FRMD8: variants seen among roughly 807,000 people sequenced by gnomAD.
FRMD8 encodes the protein FERM domain-containing protein 8.
In FRMD8, 37 loss-of-function variants were observed where a neutral mutation model predicts 54.2. That is an observed-to-expected ratio of 0.68 (90% CI 0.53 to 0.90). The LOEUF is 0.90. Among genes scored for constraint, FRMD8 ranks in the 40% least tolerant of loss-of-function variants. The pLI, the probability that FRMD8 is intolerant of heterozygous loss-of-function variation, is 0.00. For synonymous variants in FRMD8, 246 were observed against 286.9 expected (o/e 0.86, Z 1.44); for missense variants, 585 against 653.7 (o/e 0.89, Z 1.15).
chr11:65,385,937 C>T (rs1156995124), upstream of FRMD8, among the ~76,000 whole-genome samples: 1 of 152,012 alleles, frequency 6.6e-6, no homozygotes, highest in Admixed American at 6.5e-5. Context: ...GCTGGGACTA[C>T]AGGCGCCCGC....
At chr11:65,408,140 T>A (rs1856247882) in intron 10 of FRMD8, among the ~76,000 whole-genome samples, 1 of 151,256 alleles carries the variant, frequency 6.6e-6, no homozygotes, top group South Asian at 2.1e-4. Flanking sequence ...AATGGTGCGA[T>A]ATCGGCTCAC....
intron 10 of FRMD8, among the ~76,000 whole-genome samples, chr11:65,408,136 G>A (rs1402097538): frequency 6.7e-6 from 1 of 149,386 alleles, no homozygotes; most frequent in East Asian, 2.0e-4. Context: ...GTGAAATGGT[G>A]CGATATCGGC....
chr11:65,397,720 T>G (rs1238296020), intron 7 of FRMD8, among the ~76,000 whole-genome samples: 2 of 152,078 alleles, frequency 1.3e-5, no homozygotes, highest in Non-Finnish European at 2.9e-5. Context: ...TGGTTTTTTG[T>G]TTTTGTTTTG....
In FRMD8 at chr11:65,411,242, G is replaced by A. The variant is rs746216628; in HGVS notation, c.1277G>A (p.Gly426Asp). 1.9e-6 allele frequency: 3 copies of A among 1,605,048 alleles called. No homozygotes were observed. The highest frequency in any genetic ancestry group is 2.2e-5 in the South Asian group (2 of 90,116). The change falls in exon 11 of 11, where the codon GGC (glycine) becomes GAC (aspartate). Residue 426 changes from glycine to aspartate, a missense_variant and splice_region_variant. By Grantham distance (94) the Gly-to-Asp change is moderately conservative. Coordinates refer to ENST00000317568, the MANE Select transcript of FRMD8 (RefSeq NM_031904.5). Reference protein sequence around the residue: ...HLSTIDYVEDGKGIRRVKPKR... With the variant: ...HLSTIDYVEDDKGIRRVKPKR... The stretch of plus-strand genomic sequence containing the variant: ...AGTGTGCCCTCCCATTCCCTCGCAG[G>A]CAAGGGGATCAGGCGAGTGAAGCCG...
rs1856358477 is a variant in FRMD8, at chr11:65,412,540, C to T, written c.*1180C>T. On this transcript the variant is annotated 3_prime_UTR_variant, in exon 11 of 11. Coordinates refer to ENST00000317568, the MANE Select transcript of FRMD8 (RefSeq NM_031904.5). ...GGGGCTCTGTCTTGTCCCAGATGAG[C>T]TGAGAGCCCCTGAGAGGAGGGCTTT... 6.6e-6 allele frequency: 1 copy of T among 152,374 alleles called. No individual in the cohort carries two copies. 9.4% of individuals were successfully genotyped at this position (152,374 alleles called of 1,614,324 possible). A position where few individuals can be genotyped will look rare whatever the true frequency, so the allele number is the denominator to read the frequency against.
chr11:65,372,580 G>T, the FRMD8 span, among the ~76,000 whole-genome samples: 2 of 152,140 alleles, frequency 1.3e-5, no homozygotes, highest in African/African-American at 4.8e-5. Context: ...AAAAAAAATA[G>T]ATTTTTTTCA....
intron 10 of FRMD8, among the ~76,000 whole-genome samples, chr11:65,410,336 A>C (rs975872546): frequency 1.3e-5 from 2 of 151,452 alleles, no homozygotes; most frequent in Non-Finnish European, 2.9e-5. Context: ...TCTCTACTAA[A>C]AATACAAAAA....
chr11:65,380,490 G>A, the FRMD8 span: 18 of 1,365,456 alleles, frequency 1.3e-5, 1 homozygote, highest in Admixed American at 2.2e-4. Flanking sequence ...GTATCCCACC[G>A]CCTATGAGCC....
intron 3 of FRMD8, among the ~76,000 whole-genome samples, chr11:65,391,896 T>TG: frequency 6.6e-6 from 1 of 152,210 alleles, no homozygotes; most frequent in East Asian, 1.9e-4. Flanking sequence ...TAGCCCCATG[T>TG]GGCCTCAGGC....
intron 1 of FRMD8, 128 bp from the exon 2 acceptor site, chr11:65,386,909 C>G (rs1198055413): frequency 3.7e-6 from 3 of 807,260 alleles, no homozygotes; most frequent in Non-Finnish European, 6.0e-6. Context: ...CTTGGCCCCT[C>G]CAGGCAGCGC....
Position 65,412,546 on chromosome 11 carries a change from G to C in FRMD8, c.*1186G>C, listed in dbSNP as rs1180593173. The C allele has an allele frequency of 1.3e-5, 2 of 152,248 alleles. No homozygotes were observed. The highest frequency in any genetic ancestry group is 2.9e-5 in the Non-Finnish European group (2 of 68,066). 9.4% of individuals were successfully genotyped at this position (152,248 alleles called of 1,614,324 possible). On this transcript the variant is annotated 3_prime_UTR_variant, in exon 11 of 11. Transcript: ENST00000317568. ...CTGTCTTGTCCCAGATGAGCTGAGA[G>C]CCCCTGAGAGGAGGGCTTTCCCAGC...
the FRMD8 span, among the ~76,000 whole-genome samples, chr11:65,371,762 G>T: frequency 6.6e-6 from 1 of 152,026 alleles, no homozygotes; most frequent in Non-Finnish European, 1.5e-5. Flanking sequence ...CTACAGGTGC[G>T]TGCCACCATG....
intron 10 of FRMD8, among the ~76,000 whole-genome samples, chr11:65,407,568 A>T (rs900359633): frequency 3.3e-5 from 5 of 151,448 alleles, no homozygotes; most frequent in Non-Finnish European, 7.4e-5. Flanking sequence ...TACATTTTAC[A>T]TGGCAAGATG....
intron 2 of FRMD8, among the ~76,000 whole-genome samples, chr11:65,388,792 C>G (rs1028345653): frequency 2.0e-5 from 3 of 152,172 alleles, no homozygotes; most frequent in African/African-American, 4.8e-5. Flanking sequence ...CTTGCTTTAA[C>G]CTGGGTGACC....
chr11:65,401,645 C>A (rs966529200), intron 9 of FRMD8, among the ~76,000 whole-genome samples: 1 of 148,244 alleles, frequency 6.7e-6, no homozygotes, highest in Admixed American at 6.7e-5. Flanking sequence ...GCCCCCTCCC[C>A]CTTCTCAGCT....
the FRMD8 span, among the ~76,000 whole-genome samples, chr11:65,371,588 G>T: frequency 1.1e-3 from 174 of 152,306 alleles, no homozygotes; most frequent in Non-Finnish European, 1.8e-3. Context: ...CATGCCTTAT[G>T]AGACCCTGCT....
upstream of FRMD8, chr11:65,382,207 C>A (rs902449546): frequency 2.4e-5 from 13 of 551,150 alleles, no homozygotes; most frequent in African/African-American, 1.5e-4. The surrounding 1 kb of genome is among the most constrained non-coding windows in gnomAD (Gnocchi z 4.4). Flanking sequence ...AGGCCCTGAT[C>A]CCCGAGCCCG....
upstream of FRMD8, chr11:65,383,774 C>CAA (rs60756847): frequency 3.6e-5 from 4 of 111,228 alleles, no homozygotes; most frequent in Non-Finnish European, 6.5e-5. Flanking sequence ...AAAAAACAAA[C>CAA]AAACAAACAA....
In FRMD8 at chr11:65,387,129, C is replaced by A; in HGVS notation, c.85+8C>A. The A allele has an allele frequency of 6.2e-7, 1 of 1,602,762 alleles. No homozygotes were observed. Among genetic ancestry groups the A allele is most frequent in the Non-Finnish European group, 8.5e-7 (1 of 1,178,756 alleles). ...CCTCCGTGGGAGCCCGAGGTGGGTC[C>A]CACCCGCATCTCCTCTTCCACACCC... On this transcript the variant is annotated splice_region_variant and intron_variant, in intron 2 of 10. Coordinates refer to ENST00000317568, the MANE Select transcript of FRMD8 (RefSeq NM_031904.5).
Sources: gnomAD v4.1 joint callset for allele counts (sites outside exome capture counted in the v4.1 genomes callset) on GRCh38, gnomAD v4.1.1 for gene constraint, Gnocchi (gnomAD v3.1) non-coding constraint, MANE v1.5 for transcripts, NCBI Gene and HGNC (gene_info 2026-07-23, HGNC 2026-07-21) for gene names.